The following DNAH12 variants were observed in gnomAD, a reference collection of about 807,000 sequenced individuals.
DNAH12 encodes the protein axonemal beta dynein heavy chain 12.
A neutral mutation model predicts 371.5 loss-of-function variants in DNAH12; 285 were observed. The ratio of observed to expected loss-of-function variants is 0.77; its 90% CI spans 0.70 to 0.85. DNAH12 has a LOEUF of 0.85. DNAH12 is among the 40% of genes least tolerant of loss of function. The pLI, the probability that DNAH12 is intolerant of heterozygous loss-of-function variation, is 0.00. For missense variants in DNAH12, 3,611 were observed against 3,689.4 expected, an observed-to-expected ratio of 0.98 and a Z score of 0.55; for synonymous variants, 1,200 against 1,213.0, an observed-to-expected ratio of 0.99 and a Z score of 0.22.
chr3:57,304,705 C>CT (rs1393937465), intron 69 of DNAH12, among the ~76,000 whole-genome samples: 1 of 152,156 alleles, frequency 6.6e-6, no homozygotes, highest in Non-Finnish European at 1.5e-5. Context: ...TGCCTTGGTC[C>CT]TTCACCCTTA....
chr3:57,555,058 A>C, the DNAH12 span, among the ~76,000 whole-genome samples: 127,259 of 151,992 alleles, frequency 0.84, 53,934 homozygotes, highest in African/African-American at 0.95. Flanking sequence ...CCAGCCCAGG[A>C]AACATGGTGA....
chr3:57,555,199 G>A, the DNAH12 span, among the ~76,000 whole-genome samples: 3 of 152,024 alleles, frequency 2.0e-5, no homozygotes, highest in East Asian at 1.9e-4. Flanking sequence ...AGCCAAGATC[G>A]CACAGCTGCA....
At chr3:57,550,143 T>C in the DNAH12 span, among the ~76,000 whole-genome samples, 1 of 151,662 alleles carries the variant, frequency 6.6e-6, no homozygotes, top group African/African-American at 2.4e-5. Flanking sequence ...CGAGACCCCA[T>C]CTCTACAAAA....
In DNAH12 at chr3:57,362,472, T is replaced by C. The variant is rs1575504209; in HGVS notation, c.9360+1122A>G. Among the ~76,000 whole-genome samples, 7 of 152,244 alleles carry C rather than the reference T, an allele frequency of 4.6e-5. No individual in the cohort carries two copies. The East Asian group carries it at 1.4e-3, about 29-fold the overall frequency. ...CTTCCACAATGGTTGAAGTAATTTA[T>C]ACTTCCACCAACAGTGTAAAAGTGT... On this transcript the variant is annotated intron_variant, in intron 58 of 73. Coordinates refer to ENST00000495027, the MANE Select transcript of DNAH12 (RefSeq NM_001366028.2).
At chr3:57,352,256 C>T in intron 59 of DNAH12, 31 bp from the exon 60 acceptor site, 1 of 1,514,190 alleles carries the variant, frequency 6.6e-7, no homozygotes, top group Non-Finnish European at 8.8e-7. Flanking sequence ...AACGTATTGT[C>T]AAACAAAACT....
the DNAH12 span, among the ~76,000 whole-genome samples, chr3:57,549,714 C>T: frequency 2.6e-5 from 4 of 151,934 alleles, no homozygotes; most frequent in Non-Finnish European, 5.9e-5. Flanking sequence ...ACTTCAGCCT[C>T]CCAGGCTCAA....
At chr3:57,301,978 A>T in intron 69 of DNAH12, 39 bp from the exon 70 acceptor site, 1 of 1,535,178 alleles carries the variant, frequency 6.5e-7, no homozygotes, top group Non-Finnish European at 8.8e-7. Flanking sequence ...ATATATGATG[A>T]TATCAACATA....
At chr3:57,399,049 A>T (rs2063802411) in intron 43 of DNAH12, among the ~76,000 whole-genome samples, 1 of 152,234 alleles carries the variant, frequency 6.6e-6, no homozygotes, top group Non-Finnish European at 1.5e-5. Flanking sequence ...GGGTGGAGCT[A>T]TAAAGGGGTA....
rs567153884 is a variant in DNAH12 at position 57,402,478 on chromosome 3, C to T, written c.6948+831G>A. 82 of 1,259,888 alleles carry T rather than the reference C, an allele frequency of 6.5e-5. 1 individual carries two copies. The South Asian group carries it at 8.9e-4, about 14-fold the overall frequency. 78.0% of individuals were successfully genotyped at this position (1,259,888 alleles called of 1,614,324 possible). On this transcript the variant is annotated intron_variant, in intron 43 of 73. Transcript: ENST00000495027. ...ACTAAGACAACATTAATGCCATCAA[C>T]ATCATCATCAGGTTCATGGTTAAAT...
At chr3:57,536,816 T>A (rs1286990350) in intron 2 of DNAH12, among the ~76,000 whole-genome samples, 2 of 141,734 alleles carry the variant, frequency 1.4e-5, no homozygotes, top group Non-Finnish European at 3.1e-5. Flanking sequence ...ATAGCAACAA[T>A]TTCTGGAGCA....
chr3:57,491,198 T>C (rs1207164364), intron 11 of DNAH12, among the ~76,000 whole-genome samples: 1 of 149,868 alleles, frequency 6.7e-6, no homozygotes, highest in Non-Finnish European at 1.5e-5. Context: ...AAAGAATATA[T>C]ACAGTATGAT....
intron 59 of DNAH12, among the ~76,000 whole-genome samples, chr3:57,353,451 C>T (rs1162139621): frequency 6.6e-6 from 1 of 152,130 alleles, no homozygotes; most frequent in Admixed American, 6.5e-5. Context: ...TGGCACCATG[C>T]CCAGCTAGTT....
Position 57,361,471 on chromosome 3 carries a change from T to TATATATATATATATATATA in DNAH12, c.9360+2122_9360+2123insTATATATATATATATATAT, listed in dbSNP as rs2062934544. ...ATATATATATATATATATATATATATCTCATTCAGCTCTGTTAGGTGAATT... is the reference window on the plus strand; with the variant it reads ...ATATATATATATATATATATATATATATATATATATATATATATACTCATTCAGCTCTGTTAGGTGAATT... On this transcript the variant is annotated intron_variant, in intron 58 of 73. Coordinates refer to ENST00000495027, the MANE Select transcript of DNAH12 (RefSeq NM_001366028.2). 1.8e-4 allele frequency among the ~76,000 whole-genome samples: 25 copies of TATATATATATATATATATA among 141,818 alleles called. 1 individual carries two copies. Among genetic ancestry groups the TATATATATATATATATATA allele is most frequent in the African/African-American group, 6.8e-4 (24 of 35,378 alleles). 93.0% of individuals were successfully genotyped at this position (141,818 alleles called of 152,430 possible).
Position 57,403,052 on chromosome 3 carries a change from C to T in DNAH12, c.6948+257G>A, listed in dbSNP as rs114075496. ...TTATGTGTCACATGTCACTCAGCTT[C>T]GGTAAAACACAGAGACAACCCACCT... On this transcript the variant is annotated intron_variant, in intron 43 of 73. Transcript: ENST00000495027. Among the ~76,000 whole-genome samples the T allele has an allele frequency of 1.7e-3, 253 of 152,216 alleles. 1 individual carries two copies. The highest frequency in any genetic ancestry group is 5.8e-3 in the African/African-American group (241 of 41,532).
At chr3:57,389,914 C>T (rs2153346603) in intron 45 of DNAH12, among the ~76,000 whole-genome samples, 1 of 148,422 alleles carries the variant, frequency 6.7e-6, no homozygotes, top group South Asian at 2.2e-4. Context: ...CGGCCCACTG[C>T]AACCTCCACC....
Position 57,470,445 on chromosome 3 carries a change from T to C in DNAH12, c.2103A>G (p.Lys701=), listed in dbSNP as rs2066333697. 5 of 1,510,612 alleles carry C rather than the reference T, an allele frequency of 3.3e-6. No homozygotes were observed. The highest frequency in any genetic ancestry group is 4.9e-5 in the Admixed American group (2 of 40,918). The allele number at this position is 1,510,612 out of a possible 1,614,324, so 93.6% of individuals were successfully genotyped here. A position where few individuals can be genotyped will look rare whatever the true frequency, so the allele number is the denominator to read the frequency against. Reference sequence around the variant, plus strand: ...TTTATTACATTACCAGCAATTACCGTTTTTCTGATCGCTGCCACTTCAAAA... The same window carrying C: ...TTTATTACATTACCAGCAATTACCGCTTTTCTGATCGCTGCCACTTCAAAA... ...NFVLKWQRSE[K]RWMDGGFLDL... The change falls in exon 16 of 74, where the codon AAA becomes AAG. Residue 701 remains lysine (K), a splice_region_variant and synonymous_variant. Transcript: ENST00000495027.
At chr3:57,448,002 C>T (rs1424728325) in intron 25 of DNAH12, among the ~76,000 whole-genome samples, 1 of 152,104 alleles carries the variant, frequency 6.6e-6, no homozygotes, top group Admixed American at 6.5e-5. Context: ...TAATGGATGC[C>T]ATATTGTTAA....
chr3:57,412,643 C>G (rs2153356198), intron 39 of DNAH12, among the ~76,000 whole-genome samples: 1 of 152,286 alleles, frequency 6.6e-6, no homozygotes, highest in African/African-American at 2.4e-5. Flanking sequence ...CTAACAGACA[C>G]CTCACCAAGT....
intron 69 of DNAH12, among the ~76,000 whole-genome samples, chr3:57,305,767 C>A (rs1487539177): frequency 6.6e-6 from 1 of 152,158 alleles, no homozygotes; most frequent in African/African-American, 2.4e-5. Context: ...AATTCCGGCC[C>A]TCAAACCCCA....
Sources: gnomAD v4.1 joint callset for allele counts (sites outside exome capture counted in the v4.1 genomes callset) on GRCh38, gnomAD v4.1.1 for gene constraint, MANE v1.5 for transcripts, NCBI Gene and HGNC (gene_info 2026-07-23, HGNC 2026-07-21) for gene names.